The following ANO10 variants were observed in gnomAD, a reference collection of about 807,000 sequenced individuals.
ANO10 encodes anoctamin 10, also known as anoctamin-10.
In ANO10, 77 loss-of-function variants were observed where a neutral mutation model predicts 74.7. That is an observed-to-expected ratio of 1.03 (90% confidence interval 0.86 to 1.25). The LOEUF (loss-of-function observed/expected upper bound fraction) is 1.25. ANO10 is among the 50% of genes most tolerant of loss of function. The probability of loss-of-function intolerance (pLI) is 0.00; values close to 1 mark genes in which losing one functional copy is unlikely to be tolerated. For synonymous variants in ANO10, 279 were observed against 284.9 expected (o/e 0.98, Z 0.21); for missense variants, 721 against 778.1 (o/e 0.93, Z 0.87).
At chr3:43,453,247 T>G (rs974510779) in intron 11 of ANO10, among the ~76,000 whole-genome samples, 1 of 150,862 alleles carries the variant, frequency 6.6e-6, no homozygotes, top group African/African-American at 2.4e-5. Context: ...GGCGTGATCT[T>G]GGCTCACTTG....
intron 1 of ANO10, among the ~76,000 whole-genome samples, chr3:43,616,742 T>C (rs1240573647): frequency 1.3e-5 from 2 of 152,132 alleles, no homozygotes; most frequent in South Asian, 2.1e-4. Flanking sequence ...ACAGTGCACA[T>C]ACAGGCCAGC....
chr3:43,504,300 GTAGATAGATAGA>G (rs550211978), intron 11 of ANO10, among the ~76,000 whole-genome samples: 90 of 139,822 alleles, frequency 6.4e-4, no homozygotes, highest in Middle Eastern at 7.2e-3. Flanking sequence ...AGGTAGGTAG[GTAGATAGATAGA>G]TAGATAGATA....
chr3:43,467,567 T>C (rs1160653960), intron 11 of ANO10, among the ~76,000 whole-genome samples: 1 of 152,214 alleles, frequency 6.6e-6, no homozygotes, highest in East Asian at 1.9e-4. Context: ...AGAAAGCACT[T>C]CAGTGACAGC....
At chr3:43,453,702 T>C (rs2074990727) in intron 11 of ANO10, among the ~76,000 whole-genome samples, 1 of 152,226 alleles carries the variant, frequency 6.6e-6, no homozygotes, top group Non-Finnish European at 1.5e-5. Flanking sequence ...CCCAGCACCA[T>C]GTGCTGAAAA....
chr3:43,447,146 G>A (rs574028302), intron 11 of ANO10, among the ~76,000 whole-genome samples: 8 of 152,254 alleles, frequency 5.3e-5, no homozygotes, highest in African/African-American at 1.9e-4. Context: ...TTTGTTATTA[G>A]TAAGGGTGCT....
intron 1 of ANO10, among the ~76,000 whole-genome samples, chr3:43,630,779 T>C (rs2149558705): frequency 6.6e-6 from 1 of 152,360 alleles, no homozygotes; most frequent in East Asian, 1.9e-4. Context: ...AAACTCTATT[T>C]TGCACATTGT....
At chr3:43,664,832 T>A (rs1046478038) in intron 1 of ANO10, among the ~76,000 whole-genome samples, 1 of 152,092 alleles carries the variant, frequency 6.6e-6, no homozygotes, top group African/African-American at 2.4e-5. Context: ...AATGAGATAC[T>A]ATCTCACCCC....
intron 11 of ANO10, among the ~76,000 whole-genome samples, chr3:43,487,479 A>G (rs1182760253): frequency 6.6e-6 from 1 of 151,616 alleles, no homozygotes; most frequent in Non-Finnish European, 1.5e-5. Context: ...CCACAATTTC[A>G]GCTCCTGTTA....
At chr3:43,679,086 A>G (rs1428155248) in intron 1 of ANO10, among the ~76,000 whole-genome samples, 1 of 152,152 alleles carries the variant, frequency 6.6e-6, no homozygotes, top group Admixed American at 6.5e-5. Flanking sequence ...AGTGTCGGAC[A>G]GTGGGTGCAG....
chr3:43,580,608 G>A (rs759590184), intron 4 of ANO10, 136 bp from the exon 5 acceptor site: 2 of 1,005,718 alleles, frequency 2.0e-6, no homozygotes, highest in Middle Eastern at 2.2e-4. Flanking sequence ...CTCCAAACCT[G>A]TATATTCTTT....
intron 12 of ANO10, among the ~76,000 whole-genome samples, chr3:43,414,441 A>T (rs554906944): frequency 1.3e-5 from 2 of 152,298 alleles, no homozygotes; most frequent in East Asian, 3.9e-4. Context: ...GCATGAAAAG[A>T]GTAGATTTAT....
chr3:43,539,591 C>CAGA (rs539210788), intron 11 of ANO10, among the ~76,000 whole-genome samples: 102 of 152,234 alleles, frequency 6.7e-4, no homozygotes, highest in African/African-American at 2.4e-3. Context: ...AGGTAATTGA[C>CAGA]AGAAGGTCTT....
chr3:43,508,249 TG>T (rs1423462575), intron 11 of ANO10, among the ~76,000 whole-genome samples: 1 of 152,148 alleles, frequency 6.6e-6, no homozygotes, highest in African/African-American at 2.4e-5. Flanking sequence ...AGCTACAGAC[TG>T]GGAAAAAATA....
At chr3:43,572,777 T>C (rs115909828) in intron 7 of ANO10, among the ~76,000 whole-genome samples, 99 of 152,298 alleles carry the variant, frequency 6.5e-4, no homozygotes, top group African/African-American at 2.3e-3. Context: ...CAAAGGCTGC[T>C]ATGTGTACAG....
chr3:43,444,957 A>T (rs2093221160), intron 11 of ANO10, among the ~76,000 whole-genome samples: 1 of 151,918 alleles, frequency 6.6e-6, no homozygotes, highest in African/African-American at 2.4e-5. Context: ...CCCCGTCTCT[A>T]CTAAAAATAC....
intron 11 of ANO10, among the ~76,000 whole-genome samples, chr3:43,466,749 G>A (rs1251343220): frequency 1.3e-5 from 2 of 152,014 alleles, no homozygotes; most frequent in Admixed American, 1.3e-4. Context: ...AACACACAAC[G>A]AGAAACTGTA....
At chr3:43,515,116 C>T (rs1212990066) in intron 11 of ANO10, among the ~76,000 whole-genome samples, 1 of 152,152 alleles carries the variant, frequency 6.6e-6, no homozygotes, top group African/African-American at 2.4e-5. Flanking sequence ...CAAAGTTTCA[C>T]TGATTTTTCA....
In ANO10 at chr3:43,379,011, T is replaced by C. The variant is rs1008558858; in HGVS notation, c.1915-12037A>G. Reference sequence around the variant, plus strand: ...TCCATTACCTATATCCCTTCCTGAGTGGCAGTCCCTGTAACCAATACTGAT... The same window carrying C: ...TCCATTACCTATATCCCTTCCTGAGCGGCAGTCCCTGTAACCAATACTGAT... On this transcript the variant is annotated intron_variant, in intron 12 of 12. Coordinates refer to ENST00000292246, the MANE Select transcript of ANO10 (RefSeq NM_018075.5). Among the ~76,000 whole-genome samples, 6 of 152,296 alleles carry C rather than the reference T, an allele frequency of 3.9e-5. No individual in the cohort carries two copies. The South Asian group carries it at 8.3e-4, about 21-fold the overall frequency.
intron 12 of ANO10, among the ~76,000 whole-genome samples, chr3:43,386,385 A>AAAGGGG (rs56361926): frequency 0.47 from 71,191 of 151,006 alleles, 18,972 homozygotes; most frequent in East Asian, 0.77. Flanking sequence ...AGAAAGGAGG[A>AAAGGGG]AAGGGGAAGG....
Sources: gnomAD v4.1 joint callset for allele counts (sites outside exome capture counted in the v4.1 genomes callset) on GRCh38, gnomAD v4.1.1 for gene constraint, MANE v1.5 for transcripts, NCBI Gene and HGNC (gene_info 2026-07-23, HGNC 2026-07-21) for gene names.